The following SIN3A variants were observed in gnomAD, a reference collection of about 807,000 sequenced individuals.
SIN3A encodes paired amphipathic helix protein Sin3a.
SIN3A carries 14 observed loss-of-function variants against 146.1 expected under a neutral mutation model. The ratio of observed to expected loss-of-function variants is 0.10; its 90% confidence interval spans 0.06 to 0.15. SIN3A has a LOEUF of 0.15. Among genes scored for constraint, SIN3A ranks in the 10% least tolerant of loss-of-function variants. The probability of loss-of-function intolerance (pLI) is 1.00; values close to 1 mark genes in which losing one functional copy is unlikely to be tolerated. For missense variants in SIN3A, 1,028 were observed against 1,576.0 expected (o/e 0.65, Z 5.89); for synonymous variants, 572 against 572.0 (o/e 1.00, Z 0.00).
intron 16 of SIN3A, among the ~76,000 whole-genome samples, chr15:75,386,573 C>T (rs535841180): frequency 7.2e-5 from 11 of 152,252 alleles, no homozygotes; most frequent in African/African-American, 2.4e-4. Context: ...AACACTGGGA[C>T]CAGGGGTACT....
rs189290801 is a variant in SIN3A, at chr15:75,382,957, C to T, written c.3196-1252G>A. Among the ~76,000 whole-genome samples, 564 of 152,148 alleles carry T rather than the reference C, an allele frequency of 3.7e-3. 4 individuals are homozygous for T. Among genetic ancestry groups the T allele is most frequent in the Non-Finnish European group, 5.7e-3 (389 of 67,988 alleles). ...CCCACACAAGCTGGCCATGGTGGCA[C>T]GTGTCTGTAATCCCAGCTACTCAGG... is the stretch of plus-strand genomic sequence containing the variant. On this transcript the variant is annotated intron_variant, in intron 17 of 20. Coordinates refer to ENST00000394947, the MANE Select transcript of SIN3A (RefSeq NM_001145358.2).
intron 20 of SIN3A, among the ~76,000 whole-genome samples, chr15:75,374,816 T>G (rs2072822159): frequency 6.6e-6 from 1 of 152,226 alleles, no homozygotes; most frequent in Non-Finnish European, 1.5e-5. Context: ...TTGAGAAGCC[T>G]CCTCCAGTGA....
intron 18 of SIN3A, 21 bp downstream of exon 18, chr15:75,381,592 C>G: frequency 6.3e-7 from 1 of 1,587,364 alleles, no homozygotes; most frequent in Non-Finnish European, 8.6e-7. Flanking sequence ...CACCTGGGGT[C>G]TGTGATGTAC....
Position 75,411,734 on chromosome 15 carries a change from G to A in SIN3A, c.766C>T (p.Leu256=). 2 of 1,594,520 alleles carry A rather than the reference G, an allele frequency of 1.3e-6. No homozygotes were observed. The highest frequency in any genetic ancestry group is 1.7e-6 in the Non-Finnish European group (2 of 1,168,904). Residue 256 remains leucine (L), a synonymous_variant, in exon 6 of 21, where the codon CTG becomes TTG. Coordinates refer to ENST00000394947, the MANE Select transcript of SIN3A (RefSeq NM_001145358.2). ...PPAKVSKPSQ[L]QAHTPASQQT... ...TGACTGGCCGGAGTATGTGCTTGCAGTTGGGAGGGCTAGAAAGAAAAGAAA... is the reference window on the plus strand; with the variant it reads ...TGACTGGCCGGAGTATGTGCTTGCAATTGGGAGGGCTAGAAAGAAAAGAAA...
At chr15:75,399,592 CATG>C (rs1195483317) in intron 12 of SIN3A, among the ~76,000 whole-genome samples, 2 of 152,050 alleles carry the variant, frequency 1.3e-5, no homozygotes, top group Non-Finnish European at 2.9e-5. Flanking sequence ...ATACCAGAAA[CATG>C]AAAGAAAAAT....
chr15:75,407,632 C>T (rs183658368), intron 8 of SIN3A, among the ~76,000 whole-genome samples: 1 of 151,894 alleles, frequency 6.6e-6, no homozygotes, highest in African/African-American at 2.4e-5. Flanking sequence ...GTGACTCATG[C>T]CTGTAATCCC....
upstream of SIN3A, among the ~76,000 whole-genome samples, chr15:75,454,527 C>G (rs1456856197): frequency 6.6e-6 from 1 of 151,388 alleles, no homozygotes; most frequent in African/African-American, 2.4e-5. Flanking sequence ...CCTACCCGCC[C>G]GCGGCCGCCA....
At position 75,384,340 on chromosome 15, in the gene SIN3A, T is replaced by C; in HGVS notation, c.3119A>G (p.Gln1040Arg). ...NGATGGQLNT[Q>R]NSRSLLESTY... is the part of the protein sequence containing the mutation. ...TGACTCCAGGAGGCTCCTTGAGTTC[T>C]GTGTGTTCAGCTGGCCTCCGGTGGC... The change falls in exon 17 of 21, where the codon CAG (glutamine) becomes CGG (arginine). Residue 1040 changes from glutamine (Q) to arginine (R), a missense_variant. Physicochemically the swap from Gln to Arg is conservative, Grantham distance 43. This residue lies in a region of SIN3A where 488 missense variants were observed against 690.2 expected (regional missense o/e 0.71). Coordinates refer to ENST00000394947, the MANE Select transcript of SIN3A (RefSeq NM_001145358.2). The C allele has an allele frequency of 6.2e-7, 1 of 1,613,714 alleles. No individual in the cohort carries two copies. Among genetic ancestry groups the C allele is most frequent in the Non-Finnish European group, 8.5e-7 (1 of 1,179,666 alleles).
At chr15:75,455,482 G>T (rs2074476075), upstream of SIN3A, among the ~76,000 whole-genome samples, 1 of 152,178 alleles carries the variant, frequency 6.6e-6, no homozygotes, top group South Asian at 2.1e-4. Flanking sequence ...GAAACCGACT[G>T]CTCGGTGAGA....
chr15:75,417,280 G>GTAGTT (rs2073757193), intron 3 of SIN3A, among the ~76,000 whole-genome samples: 1 of 151,858 alleles, frequency 6.6e-6, no homozygotes, highest in South Asian at 2.1e-4. Context: ...TTTTATTTTG[G>GTAGTT]TAGTTTAACT....
At chr15:75,381,828 G>A (rs2072977876) in intron 17 of SIN3A, 123 bp from the exon 18 acceptor site, 1 of 776,534 alleles carries the variant, frequency 1.3e-6, no homozygotes, top group African/African-American at 1.8e-5. Flanking sequence ...GAAGAGATGA[G>A]GAAGATACTA....
At chr15:75,430,636 TG>T (rs936581466) in intron 1 of SIN3A, among the ~76,000 whole-genome samples, 18 of 152,348 alleles carry the variant, frequency 1.2e-4, no homozygotes, top group African/African-American at 4.3e-4. Context: ...TTAATTAATT[TG>T]GTATTATGAA....
In SIN3A at chr15:75,444,501, T is replaced by C. The variant is rs57520054; in HGVS notation, c.-34+6922A>G. 8.1e-3 allele frequency among the ~76,000 whole-genome samples: 1,229 copies of C among 151,676 alleles called. 13 individuals are homozygous for C. The highest frequency in any genetic ancestry group is 0.028 in the African/African-American group (1,163 of 41,300). On this transcript the variant is annotated intron_variant, in intron 1 of 20. Transcript: ENST00000394947. ...TGCTGTTTTGAAGACCTCCAATAAA[T>C]AAAAGTCATGAAATATACATCTTTA...
chr15:75,411,765 A>G lies in SIN3A; in HGVS notation c.757-22T>C. On this transcript the variant is annotated intron_variant, in intron 5 of 20. Coordinates refer to ENST00000394947, the MANE Select transcript of SIN3A (RefSeq NM_001145358.2). The stretch of plus-strand genomic sequence containing the variant: ...AGGGCTAGAAAGAAAAGAAATCTTT[A>G]TTCTCTTCAGATGCATAGATGAGTT... 2.6e-6 allele frequency: 4 copies of G among 1,560,242 alleles called. No individual in the cohort carries two copies. The South Asian group carries it at 3.7e-5, about 14-fold the overall frequency.
intron 12 of SIN3A, among the ~76,000 whole-genome samples, chr15:75,397,321 A>G (rs1175592727): frequency 6.6e-6 from 1 of 152,216 alleles, no homozygotes; most frequent in Non-Finnish European, 1.5e-5. Context: ...AATTATGAAC[A>G]AAAAATGGAC....
chr15:75,446,256 G>C (rs1042939063), intron 1 of SIN3A: 1 of 151,536 alleles, frequency 6.6e-6, no homozygotes, highest in East Asian at 1.9e-4. Context: ...TCTGAGTAAA[G>C]GAAGTGAGGG....
At chr15:75,387,392 G>A (rs1315188814) in intron 16 of SIN3A, among the ~76,000 whole-genome samples, 1 of 151,628 alleles carries the variant, frequency 6.6e-6, no homozygotes, top group Non-Finnish European at 1.5e-5. Flanking sequence ...CGGTGTGGTG[G>A]CCCCTTTGGT....
At chr15:75,396,595 T>C in intron 12 of SIN3A, 99 bp from the exon 13 acceptor site, 3 of 852,930 alleles carry the variant, frequency 3.5e-6, no homozygotes, top group Admixed American at 4.8e-5. Context: ...CTCCTTGGAT[T>C]TGAATCCTGG....
chr15:75,381,550 ACAGACTCTCAAGG>A, intron 18 of SIN3A, 50 bp downstream of exon 18: 1 of 1,287,458 alleles, frequency 7.8e-7, no homozygotes, highest in Non-Finnish European at 1.1e-6. Flanking sequence ...GGGTCACTGG[ACAGACTCTCAAGG>A]CACGCCAGCT....
Sources: allele counts gnomAD v4.1 joint callset (sites outside exome capture counted in the v4.1 genomes callset), GRCh38; gene constraint gnomAD v4.1.1; regional missense constraint gnomAD v4.1.1; transcripts MANE v1.5; gene names NCBI Gene and HGNC (gene_info 2026-07-23, HGNC 2026-07-21).